Variants in RASSF3 observed in about 807,000 individuals in gnomAD.
RASSF3 encodes the protein ras association domain-containing protein 3.
In RASSF3, 19 loss-of-function variants were observed where a neutral mutation model predicts 19.9. The observed-to-expected ratio is 0.96, with a 90% CI of 0.67 to 1.40. The LOEUF (loss-of-function observed/expected upper bound fraction) is 1.40. Ranked by LOEUF, RASSF3 falls within the 40% of genes most tolerant of loss-of-function variation. The probability of loss-of-function intolerance (pLI) is 0.00; values close to 1 mark genes in which losing one functional copy is unlikely to be tolerated. For missense variants in RASSF3, 306 were observed against 289.8 expected, an observed-to-expected ratio of 1.06 and a Z score of -0.41; for synonymous variants, 110 against 104.2, an observed-to-expected ratio of 1.06 and a Z score of -0.34.
At chr12:64,578,355 A>G (rs1352426151) in intron 2 of RASSF3, among the ~76,000 whole-genome samples, 1 of 152,168 alleles carries the variant, frequency 6.6e-6, no homozygotes, top group Non-Finnish European at 1.5e-5. Flanking sequence ...TATTGTTATC[A>G]TTTTAAGAGA....
At chr12:64,540,213 G>A (rs1356879685) in intron 1 of RASSF3, among the ~76,000 whole-genome samples, 1 of 152,090 alleles carries the variant, frequency 6.6e-6, no homozygotes, top group Non-Finnish European at 1.5e-5. Flanking sequence ...TTCTTAAGAC[G>A]GCTCCTTAAA....
At chr12:64,530,897 A>G (rs1310632186), upstream of RASSF3, among the ~76,000 whole-genome samples, 2 of 152,064 alleles carry the variant, frequency 1.3e-5, no homozygotes, top group East Asian at 3.9e-4. Flanking sequence ...TATTTTGCCC[A>G]TTTGTTAAGT....
chr12:64,557,431 C>T (rs1565838748), intron 2 of RASSF3, among the ~76,000 whole-genome samples: 1 of 152,172 alleles, frequency 6.6e-6, no homozygotes, highest in Admixed American at 6.5e-5. Context: ...ATTACTCCTG[C>T]CACAATGGTG....
At chr12:64,659,019 A>C (rs1592450944) in intron 1 of RASSF3, among the ~76,000 whole-genome samples, 1 of 152,316 alleles carries the variant, frequency 6.6e-6, no homozygotes, top group East Asian at 1.9e-4. Context: ...GCTGCAGTGA[A>C]CCATGATTGT....
At chr12:64,588,674 A>G (rs547866484) in intron 2 of RASSF3, among the ~76,000 whole-genome samples, 2 of 152,284 alleles carry the variant, frequency 1.3e-5, no homozygotes, top group Non-Finnish European at 2.9e-5. Context: ...ACAATATGGT[A>G]TATTTCCATC....
chr12:64,584,507 A>AG (rs1373364222), intron 2 of RASSF3, among the ~76,000 whole-genome samples: 1 of 151,278 alleles, frequency 6.6e-6, no homozygotes, highest in African/African-American at 2.4e-5. Flanking sequence ...GGCTAAGAAA[A>AG]AAAAAAAAAA....
At chr12:64,605,662 G>A (rs1411581720), upstream of RASSF3, among the ~76,000 whole-genome samples, 1 of 152,104 alleles carries the variant, frequency 6.6e-6, no homozygotes. Flanking sequence ...GGCTGAGGCA[G>A]GTGGATCAAC....
chr12:64,679,573 T>G (rs964881841), intron 1 of RASSF3, among the ~76,000 whole-genome samples: 8 of 152,042 alleles, frequency 5.3e-5, no homozygotes, highest in Middle Eastern at 3.2e-3. Context: ...AGAGCCTGGG[T>G]CATGCTACCC....
chr12:64,587,681 T>G (rs1370429239), intron 2 of RASSF3, among the ~76,000 whole-genome samples: 1 of 152,202 alleles, frequency 6.6e-6, no homozygotes, highest in Non-Finnish European at 1.5e-5. Context: ...GGTGGTGGTT[T>G]GTGGGCATTT....
chr12:64,553,875 G>A (rs1395274544), intron 2 of RASSF3, among the ~76,000 whole-genome samples: 1 of 151,826 alleles, frequency 6.6e-6, no homozygotes, highest in East Asian at 1.9e-4. Context: ...AACTCGAGAG[G>A]CTGAGGTGGG....
At chr12:64,538,930 C>T (rs1166892975) in intron 1 of RASSF3, among the ~76,000 whole-genome samples, 1 of 151,968 alleles carries the variant, frequency 6.6e-6, no homozygotes, top group African/African-American at 2.4e-5. Context: ...CCTATAATCC[C>T]TGCTACTCAA....
intron 1 of RASSF3, among the ~76,000 whole-genome samples, chr12:64,668,194 A>G (rs1023660418): frequency 6.6e-6 from 1 of 152,170 alleles, no homozygotes; most frequent in African/African-American, 2.4e-5. Flanking sequence ...ACTCAGAATC[A>G]GCAATGTAAA....
At chr12:64,580,835 G>A (rs1302830013) in intron 2 of RASSF3, among the ~76,000 whole-genome samples, 2 of 151,796 alleles carry the variant, frequency 1.3e-5, no homozygotes, top group Non-Finnish European at 2.9e-5. Context: ...TTCCTATAAG[G>A]ATATCAATTG....
At chr12:64,578,346 AT>A (rs1869631702) in intron 2 of RASSF3, among the ~76,000 whole-genome samples, 1 of 152,142 alleles carries the variant, frequency 6.6e-6, no homozygotes, top group South Asian at 2.1e-4. Context: ...GGCAGAGGTT[AT>A]TGTTATCATT....
intron 1 of RASSF3, among the ~76,000 whole-genome samples, chr12:64,534,885 C>T (rs1309361496): frequency 1.3e-5 from 2 of 152,116 alleles, no homozygotes; most frequent in African/African-American, 2.4e-5. Flanking sequence ...GAGGCTCTTA[C>T]AACACCAGTA....
At chr12:64,579,524 T>C (rs1385640079) in intron 2 of RASSF3, among the ~76,000 whole-genome samples, 1 of 151,984 alleles carries the variant, frequency 6.6e-6, no homozygotes, top group African/African-American at 2.4e-5. Context: ...CTATTTTTTT[T>C]GTATTTTTAG....
chr12:64,584,504 A>AT (rs1041336381), intron 2 of RASSF3, among the ~76,000 whole-genome samples: 2 of 26,352 alleles, frequency 7.6e-5, no homozygotes, highest in African/African-American at 3.0e-4. Context: ...CCAGGCTAAG[A>AT]AAAAAAAAAA....
At chr12:64,693,811 T>TA (rs1253630211) in intron 4 of RASSF3, among the ~76,000 whole-genome samples, 1 of 152,194 alleles carries the variant, frequency 6.6e-6, no homozygotes, top group Non-Finnish European at 1.5e-5. Context: ...AGGCAAGAGA[T>TA]AAACTCCAAA....
intron 2 of RASSF3, among the ~76,000 whole-genome samples, chr12:64,557,673 C>T (rs751156775): frequency 5.9e-5 from 9 of 152,198 alleles, no homozygotes; most frequent in Admixed American, 3.3e-4. Flanking sequence ...ATTCTTTCTA[C>T]GGGGAACACA....
Sources: allele counts gnomAD v4.1 joint callset (sites outside exome capture counted in the v4.1 genomes callset), GRCh38; gene constraint gnomAD v4.1.1; transcripts MANE v1.5; gene names NCBI Gene and HGNC (gene_info 2026-07-23, HGNC 2026-07-21).